Variants in ARMC2 observed in about 807,000 individuals in gnomAD.
ARMC2 encodes armadillo repeat-containing protein 2.
A neutral mutation model predicts 90.3 loss-of-function variants in ARMC2; 67 were observed. The ratio of observed to expected loss-of-function variants is 0.74; its 90% CI spans 0.61 to 0.91. The LOEUF (loss-of-function observed/expected upper bound fraction) is 0.91, where lower values mean the gene tolerates loss of function less well. Among genes scored for constraint, ARMC2 ranks in the 40% least tolerant of loss-of-function variants. The pLI is 0.00. For synonymous variants in ARMC2, 393 were observed against 393.0 expected (o/e 1.00, Z 0.00); for missense variants, 920 against 1,030.9 (o/e 0.89, Z 1.47).
At chr6:108,850,418 C>T (rs1261001682) in intron 1 of ARMC2, among the ~76,000 whole-genome samples, 2 of 152,176 alleles carry the variant, frequency 1.3e-5, no homozygotes, top group Non-Finnish European at 1.5e-5. Flanking sequence ...ATGCCAAATC[C>T]TGTTAATTCT....
chr6:108,965,955 G>T lies in ARMC2; in HGVS notation c.2446+815G>T, dbSNP rs1583229673. On this transcript the variant is annotated intron_variant, in intron 17 of 17. Transcript: ENST00000392644. ...GGTGTGAACCACCTTGCCTGGCCAG[G>T]ATCATTTTTTACATTTAAAAAATTT... 2.0e-5 allele frequency among the ~76,000 whole-genome samples: 3 copies of T among 151,066 alleles called. No individual in the cohort carries two copies. The East Asian group carries it at 5.8e-4, about 29-fold the overall frequency.
intron 4 of ARMC2, among the ~76,000 whole-genome samples, chr6:108,875,249 G>A (rs1209412214): frequency 2.6e-5 from 4 of 152,122 alleles, no homozygotes. Context: ...ATATCTTCTT[G>A]CAACTCTGTC....
intron 10 of ARMC2, among the ~76,000 whole-genome samples, chr6:108,922,793 A>G (rs1159514063): frequency 6.6e-6 from 1 of 152,190 alleles, no homozygotes; most frequent in Non-Finnish European, 1.5e-5. Flanking sequence ...GGGAACATGG[A>G]AAGAAGCTTT....
the ARMC2 span, among the ~76,000 whole-genome samples, chr6:109,042,540 A>AC: frequency 6.6e-6 from 1 of 151,668 alleles, no homozygotes. Flanking sequence ...CGAAAAAAAA[A>AC]AAACAAACCT....
intron 5 of ARMC2, among the ~76,000 whole-genome samples, chr6:108,888,044 C>G (rs977290502): frequency 1.3e-5 from 2 of 152,186 alleles, no homozygotes; most frequent in African/African-American, 4.8e-5. Flanking sequence ...TAGGCTGCAG[C>G]GTTACGTAGA....
At chr6:109,033,670 G>C in the ARMC2 span, among the ~76,000 whole-genome samples, 4 of 151,894 alleles carry the variant, frequency 2.6e-5, no homozygotes, top group East Asian at 7.7e-4. Flanking sequence ...AAATGGGAGG[G>C]GCCATAATTC....
intron 6 of ARMC2, among the ~76,000 whole-genome samples, chr6:108,898,858 C>G (rs758043418): frequency 6.6e-6 from 1 of 152,260 alleles, no homozygotes; most frequent in South Asian, 2.1e-4. Context: ...GGTTGCTATT[C>G]CCTACAACCC....
At chr6:108,915,054 G>C (rs1473807258) in intron 10 of ARMC2, among the ~76,000 whole-genome samples, 1 of 151,954 alleles carries the variant, frequency 6.6e-6, no homozygotes, top group Admixed American at 6.6e-5. Context: ...CCAGGTTCAA[G>C]CGATTCTCCT....
the ARMC2 span, among the ~76,000 whole-genome samples, chr6:108,989,637 A>G: frequency 6.8e-6 from 1 of 147,604 alleles, no homozygotes; most frequent in African/African-American, 2.5e-5. Context: ...ATTTACTTGT[A>G]TAAATAAATA....
the ARMC2 span, among the ~76,000 whole-genome samples, chr6:109,035,158 AC>A: frequency 1.3e-5 from 2 of 151,886 alleles, no homozygotes; most frequent in Non-Finnish European, 2.9e-5. Context: ...TTTACCCCCA[AC>A]CACTCTAGGG....
At chr6:108,864,612 T>G (rs563704011) in intron 3 of ARMC2, among the ~76,000 whole-genome samples, 1 of 152,156 alleles carries the variant, frequency 6.6e-6, no homozygotes, top group Admixed American at 6.5e-5. Flanking sequence ...TGTGTGTGTT[T>G]GTGTGTGTGT....
At chr6:108,850,753 G>A (rs1464184670) in intron 1 of ARMC2, among the ~76,000 whole-genome samples, 5 of 152,164 alleles carry the variant, frequency 3.3e-5, no homozygotes, top group Admixed American at 1.3e-4. Context: ...TAGTGATTAC[G>A]TAAGTGTTGA....
the ARMC2 span, chr6:108,988,313 C>T: frequency 2.6e-6 from 1 of 383,316 alleles, no homozygotes; most frequent in Admixed American, 4.5e-5. Flanking sequence ...GACAGCCATG[C>T]CAGCACTTCT....
At chr6:108,946,189 T>C (rs1013174985) in intron 12 of ARMC2, among the ~76,000 whole-genome samples, 7 of 152,224 alleles carry the variant, frequency 4.6e-5, no homozygotes, top group South Asian at 2.1e-4. Context: ...CTGATTTATG[T>C]CTGCTGGCTT....
At chr6:108,948,711 C>T (rs1368106471) in intron 12 of ARMC2, among the ~76,000 whole-genome samples, 2 of 151,668 alleles carry the variant, frequency 1.3e-5, no homozygotes, top group Non-Finnish European at 2.9e-5. Flanking sequence ...TTACTAATCT[C>T]GGCCACGTTA....
rs1380545729 is a variant in ARMC2, at chr6:108,912,367, C to T, written c.1159C>T (p.Leu387=). 2.5e-6 allele frequency: 4 copies of T among 1,610,784 alleles called. No individual in the cohort carries two copies. The African/African-American group carries it at 5.3e-5, about 22-fold the overall frequency. ...SLLEVLRSED[L]QTNMEAFLYC... is the part of the protein sequence containing the mutation. ...ATTGGAGGTACTAAGAAGTGAAGAC[C>T]TGCAAACTAACATGGAAGCTTTTTT... The change falls in exon 10 of 18, where the codon CTG becomes TTG. Residue 387 remains leucine (L), a synonymous_variant. Transcript: ENST00000392644.
chr6:108,899,811 A>C lies in ARMC2; in HGVS notation c.847+19A>C. On this transcript the variant is annotated intron_variant, in intron 7 of 17. Transcript: ENST00000392644. Reference sequence around the variant, plus strand: ...GAAAAGGGTAAAACACAAACAAACAAACAAAAAACCGTTTTTGTTTTTTTT... The same window carrying C: ...GAAAAGGGTAAAACACAAACAAACACACAAAAAACCGTTTTTGTTTTTTTT... The C allele has an allele frequency of 1.3e-6, 2 of 1,578,410 alleles. No individual in the cohort carries two copies. Among genetic ancestry groups the C allele is most frequent in the Non-Finnish European group, 1.7e-6 (2 of 1,157,930 alleles).
At chr6:108,984,497 C>T in the ARMC2 span, among the ~76,000 whole-genome samples, 2 of 152,048 alleles carry the variant, frequency 1.3e-5, no homozygotes, top group African/African-American at 4.8e-5. Flanking sequence ...GAGAGCAGAG[C>T]CCTCTTGATC....
the ARMC2 span, among the ~76,000 whole-genome samples, chr6:109,024,047 T>G: frequency 1.3e-5 from 2 of 152,182 alleles, no homozygotes; most frequent in South Asian, 4.1e-4. Flanking sequence ...AGATGTTGAC[T>G]ATTGATATAG....
Sources: gnomAD v4.1 joint callset for allele counts (sites outside exome capture counted in the v4.1 genomes callset) on GRCh38, gnomAD v4.1.1 for gene constraint, MANE v1.5 for transcripts, NCBI Gene and HGNC (gene_info 2026-07-23, HGNC 2026-07-21) for gene names.